The following TADA2A variants were observed in gnomAD, a reference collection of about 807,000 sequenced individuals.
TADA2A encodes the protein transcriptional adaptor 2A.
A neutral mutation model predicts 67.4 loss-of-function variants in TADA2A; 38 were observed. That is an observed-to-expected ratio of 0.56 (90% CI 0.44 to 0.74). The LOEUF (loss-of-function observed/expected upper bound fraction) is 0.74, where lower values mean the gene tolerates loss of function less well. TADA2A is among the 30% of genes least tolerant of loss of function. The pLI is 0.00. For missense variants in TADA2A, 454 were observed against 547.0 expected, an observed-to-expected ratio of 0.83 and a Z score of 1.70; for synonymous variants, 192 against 181.6, an observed-to-expected ratio of 1.06 and a Z score of -0.46.
At chr17:37,455,314 TAA>T (rs35483722) in intron 8 of TADA2A, among the ~76,000 whole-genome samples, 158 of 138,882 alleles carry the variant, frequency 1.1e-3, no homozygotes, top group Middle Eastern at 3.7e-3. Flanking sequence ...TTCTGGTTAT[TAA>T]AAAAAAAAAA....
intron 8 of TADA2A, among the ~76,000 whole-genome samples, chr17:37,450,099 T>C (rs1432153129): frequency 6.6e-6 from 1 of 152,180 alleles, no homozygotes; most frequent in African/African-American, 2.4e-5. Flanking sequence ...AACAAACTCA[T>C]AATGTCTTAA....
intron 9 of TADA2A, among the ~76,000 whole-genome samples, chr17:37,459,020 T>C (rs1441268736): frequency 2.0e-5 from 3 of 152,054 alleles, no homozygotes; most frequent in Non-Finnish European, 4.4e-5. Flanking sequence ...GAGAGAATGC[T>C]CCACTTGTGA....
At chr17:37,468,318 A>C (rs933166200) in intron 12 of TADA2A, among the ~76,000 whole-genome samples, 5 of 152,160 alleles carry the variant, frequency 3.3e-5, no homozygotes, top group Admixed American at 6.6e-5. Flanking sequence ...ATGAATTCTC[A>C]TGACAAACTT....
chr17:37,459,118 T>C (rs986695137), intron 9 of TADA2A, among the ~76,000 whole-genome samples: 5 of 152,188 alleles, frequency 3.3e-5, no homozygotes, highest in Non-Finnish European at 5.9e-5. Context: ...TCCTGTGTTA[T>C]TTTTATATCC....
chr17:37,425,805 T>C (rs894419439), intron 3 of TADA2A, among the ~76,000 whole-genome samples: 1 of 150,954 alleles, frequency 6.6e-6, no homozygotes, highest in African/African-American at 2.4e-5. Context: ...TGTGCCACCA[T>C]GTCCAGCTAA....
chr17:37,409,672 CAGG>C (rs1475331271), intron 1 of TADA2A, among the ~76,000 whole-genome samples: 1 of 151,454 alleles, frequency 6.6e-6, no homozygotes, highest in Non-Finnish European at 1.5e-5. Flanking sequence ...GAGGCTGAGG[CAGG>C]AGACTCGCTT....
intron 15 of TADA2A, among the ~76,000 whole-genome samples, chr17:37,476,279 C>T (rs2053891080): frequency 6.6e-6 from 1 of 152,148 alleles, no homozygotes; most frequent in South Asian, 2.1e-4. Context: ...AAGTTACCTC[C>T]TCTTAGCAAG....
At chr17:37,413,804 A>G (rs541148566) in intron 2 of TADA2A, among the ~76,000 whole-genome samples, 4 of 150,498 alleles carry the variant, frequency 2.7e-5, no homozygotes, top group African/African-American at 9.8e-5. Flanking sequence ...TAGCATTTTT[A>G]GTTTTTATTT....
In TADA2A at chr17:37,471,239, T is replaced by A. The variant is rs2053780992; in HGVS notation, c.1072+102T>A. 4.2e-6 allele frequency: 5 copies of A among 1,203,246 alleles called. No homozygotes were observed. The Admixed American group carries it at 9.8e-5, about 24-fold the overall frequency. The allele number at this position is 1,203,246 out of a possible 1,614,324, so 74.5% of individuals were successfully genotyped here. A position where few individuals can be genotyped will look rare whatever the true frequency, so the allele number is the denominator to read the frequency against. On this transcript the variant is annotated intron_variant, in intron 14 of 15. Transcript: ENST00000615182. ...CCTTCCTCTGTGGTGTCAGGGTGCT[T>A]AGGCAGAGTAACAGTAATCAAGTGT... is the stretch of plus-strand genomic sequence containing the variant.
chr17:37,410,261 C>T (rs890756007), intron 1 of TADA2A, among the ~76,000 whole-genome samples: 9 of 151,850 alleles, frequency 5.9e-5, no homozygotes, highest in Admixed American at 5.9e-4. Flanking sequence ...ACTGCATCCT[C>T]GACCTCCTAG....
chr17:37,441,782 T>G (rs1280761540), intron 6 of TADA2A, among the ~76,000 whole-genome samples: 1 of 151,676 alleles, frequency 6.6e-6, no homozygotes, highest in African/African-American at 2.4e-5. Flanking sequence ...TTCTCGTGCC[T>G]CAGCCTCCTG....
intron 2 of TADA2A, among the ~76,000 whole-genome samples, chr17:37,416,693 C>T (rs1028117429): frequency 9.2e-5 from 14 of 151,832 alleles, no homozygotes; most frequent in African/African-American, 3.4e-4. Context: ...GGTGAAACGC[C>T]ATCTCTACTG....
chr17:37,426,716 A>C (rs2052420974), intron 3 of TADA2A: 1 of 317,234 alleles, frequency 3.2e-6, no homozygotes, highest in Non-Finnish European at 5.7e-6. Flanking sequence ...GTGGTGGCCC[A>C]CACCTGTAAT....
intron 4 of TADA2A, among the ~76,000 whole-genome samples, chr17:37,429,133 G>C (rs2052497926): frequency 6.6e-6 from 1 of 151,728 alleles, no homozygotes; most frequent in South Asian, 2.1e-4. Flanking sequence ...GGGTCTTTCT[G>C]TGTTATTCAG....
intron 12 of TADA2A, 102 bp downstream of exon 12, chr17:37,467,627 T>A: frequency 9.8e-7 from 1 of 1,020,352 alleles, no homozygotes; most frequent in South Asian, 1.5e-5. Context: ...AAAAACAAGC[T>A]TTCCTTTACC....
chr17:37,474,742 T>C (rs921716114), intron 15 of TADA2A, 113 bp downstream of exon 15: 3 of 1,133,336 alleles, frequency 2.6e-6, no homozygotes, highest in African/African-American at 1.6e-5. Context: ...ATCTAACATA[T>C]ATGCACAGCT....
chr17:37,424,232 A>G (rs1041176620), intron 3 of TADA2A, among the ~76,000 whole-genome samples: 7 of 152,022 alleles, frequency 4.6e-5, no homozygotes, highest in Admixed American at 3.3e-4. Flanking sequence ...CAAGAGTTCA[A>G]GACCAGCCCG....
intron 10 of TADA2A, among the ~76,000 whole-genome samples, chr17:37,463,671 A>G (rs1324134108): frequency 4.0e-5 from 6 of 151,724 alleles, no homozygotes; most frequent in Non-Finnish European, 7.4e-5. Context: ...ATTTTTTGAG[A>G]CAGGGCCTCA....
chr17:37,410,340 CT>C (rs35659950), intron 1 of TADA2A, among the ~76,000 whole-genome samples: 66,232 of 142,252 alleles, frequency 0.47, 15,609 homozygotes, highest in East Asian at 0.79. Context: ...ACCCGGCTAA[CT>C]TTTTTTTTTT....
Sources: allele counts gnomAD v4.1 joint callset (sites outside exome capture counted in the v4.1 genomes callset), GRCh38; gene constraint gnomAD v4.1.1; transcripts MANE v1.5; gene names NCBI Gene and HGNC (gene_info 2026-07-23, HGNC 2026-07-21).